GLIS2: variants seen among roughly 807,000 people sequenced by gnomAD.
GLIS2 encodes GLIS family zinc finger 2, also known as zinc finger protein GLIS2.
A neutral mutation model predicts 35.6 loss-of-function variants in GLIS2; 14 were observed. The ratio of observed to expected loss-of-function variants is 0.39; its 90% confidence interval spans 0.26 to 0.61. GLIS2 has a LOEUF of 0.61. GLIS2 is among the 20% of genes least tolerant of loss of function. The probability of loss-of-function intolerance (pLI) is 0.48; values close to 1 mark genes in which losing one functional copy is unlikely to be tolerated. For missense variants in GLIS2, 675 were observed against 713.4 expected, an observed-to-expected ratio of 0.95 and a Z score of 0.61; for synonymous variants, 368 against 325.1, an observed-to-expected ratio of 1.13 and a Z score of -1.42.
At position 4,316,186 on chromosome 16, in the gene GLIS2, C is replaced by T. The variant is rs1352329665; in HGVS notation, c.-135C>T. Among the ~76,000 whole-genome samples the T allele has an allele frequency of 1.5e-4, 22 of 144,304 alleles. No homozygotes were observed. Among genetic ancestry groups the T allele is most frequent in the African/African-American group, 5.5e-4 (22 of 40,022 alleles). 94.7% of individuals were successfully genotyped at this position (144,304 alleles called of 152,430 possible). On this transcript the variant is annotated 5_prime_UTR_variant, in exon 1 of 7. Coordinates refer to ENST00000433375, the MANE Select transcript of GLIS2 (RefSeq NM_032575.3). Reference sequence around the variant, plus strand: ...CCCCCGCCCGTCCCGGCCCCTCCCCCGCTCGGCTCCCCGCGCCCCCCGACC... The same window carrying T: ...CCCCCGCCCGTCCCGGCCCCTCCCCTGCTCGGCTCCCCGCGCCCCCCGACC...
At chr16:4,328,870 G>A (rs1472754489) in intron 1 of GLIS2, among the ~76,000 whole-genome samples, 1 of 152,116 alleles carries the variant, frequency 6.6e-6, no homozygotes, top group Non-Finnish European at 1.5e-5. Context: ...AGTGGGGCAG[G>A]TGCCAAAGGA....
intron 1 of GLIS2, among the ~76,000 whole-genome samples, chr16:4,318,938 G>A (rs969162077): frequency 4.6e-5 from 7 of 152,190 alleles, no homozygotes; most frequent in Non-Finnish European, 8.8e-5. Flanking sequence ...GGAGGGTGGC[G>A]ACAGCTGTGA....
chr16:4,323,216 G>A (rs1280096124), intron 1 of GLIS2, among the ~76,000 whole-genome samples: 1 of 152,210 alleles, frequency 6.6e-6, no homozygotes, highest in Admixed American at 6.5e-5. Context: ...CTTGCTGGGC[G>A]TGCATCCCTG....
In GLIS2 at chr16:4,330,525, C is replaced by T. The variant is rs563339593; in HGVS notation, c.-66-1690C>T. Among the ~76,000 whole-genome samples, 19 of 152,322 alleles carry T rather than the reference C, an allele frequency of 1.2e-4. No individual in the cohort carries two copies. In the East Asian group the frequency reaches 3.1e-3, roughly 25 times the overall value. ...GGCTCCCTGGCTTGCGATGCCTCTC[C>T]TCTAGGCCTCTGCAGGGAGGGCGGT... On this transcript the variant is annotated intron_variant, in intron 1 of 6. Transcript: ENST00000433375.
intron 6 of GLIS2, 167 bp from the exon 7 acceptor site, chr16:4,336,558 C>A: frequency 1.4e-6 from 1 of 735,592 alleles, no homozygotes; most frequent in Non-Finnish European, 2.4e-6. Context: ...CTGTGCCCTG[C>A]CTGGGGGCAG....
At chr16:4,316,304 G>A (rs1001836448) in intron 1 of GLIS2, among the ~76,000 whole-genome samples, 50 bp downstream of exon 1, 3 of 145,238 alleles carry the variant, frequency 2.1e-5, no homozygotes, top group Admixed American at 6.8e-5. Flanking sequence ...CGGGGCGGGG[G>A]GGGGGGGGCC....
At chr16:4,328,598 C>T (rs1319428853) in intron 1 of GLIS2, among the ~76,000 whole-genome samples, 1 of 152,208 alleles carries the variant, frequency 6.6e-6, no homozygotes, top group Non-Finnish European at 1.5e-5. Flanking sequence ...GGACGCAGGC[C>T]GTGTGCCGGG....
At chr16:4,326,293 G>C (rs571108799) in intron 1 of GLIS2, 1 of 152,370 alleles carries the variant, frequency 6.6e-6, no homozygotes, top group East Asian at 1.9e-4. Flanking sequence ...AGACTTCTGA[G>C]AGATGCATCT....
intron 1 of GLIS2, among the ~76,000 whole-genome samples, chr16:4,330,460 C>A (rs1191387822): frequency 2.0e-5 from 3 of 152,264 alleles, no homozygotes; most frequent in African/African-American, 7.2e-5. Flanking sequence ...GGCCAGGCCA[C>A]AATCCCCAGC....
In GLIS2 at chr16:4,332,120, GC is replaced by G; in HGVS notation, c.-66-90del. On this transcript the variant is annotated intron_variant, in intron 1 of 6. Transcript: ENST00000433375. This position sits in a 1 kb window ranked among gnomAD's most constrained non-coding sequence, Gnocchi z 5.4. ...CCTACCCAGGAGACAACCTCACACT[GC>G]CCCCTGCTCCTGCTCCTGTTAGACT... The G allele has an allele frequency of 3.2e-6, 3 of 927,966 alleles. No individual in the cohort carries two copies. The highest frequency in any genetic ancestry group is 1.4e-5 in the South Asian group (1 of 70,810). The allele number at this position is 927,966 out of a possible 1,614,324, so 57.5% of individuals were successfully genotyped here.
rs927890769 is a variant in GLIS2, at chr16:4,334,783, C to A, written c.346-18C>A. The A allele has an allele frequency of 2.5e-6, 4 of 1,612,886 alleles. No homozygotes were observed. In the African/African-American group the frequency reaches 5.3e-5, roughly 22 times the overall value. Reference sequence around the variant, plus strand: ...CTGGGCCAGCAGGACCTTGACTAGCCCTCCCCTCGCACCCCAGGACTTCCA... The same window carrying A: ...CTGGGCCAGCAGGACCTTGACTAGCACTCCCCTCGCACCCCAGGACTTCCA... On this transcript the variant is annotated intron_variant, in intron 3 of 6. Transcript: ENST00000433375.
chr16:4,330,281 G>T lies in GLIS2; in HGVS notation c.-66-1934G>T, dbSNP rs572839362. ...GACTGAGAGACTCCATTTCCAAAAA[G>T]AAAATGAAAATTAAACCAGTGAGAA... is the stretch of plus-strand genomic sequence containing the variant. On this transcript the variant is annotated intron_variant, in intron 1 of 6. Coordinates refer to ENST00000433375, the MANE Select transcript of GLIS2 (RefSeq NM_032575.3). Among the ~76,000 whole-genome samples the T allele has an allele frequency of 9.1e-4, 139 of 152,048 alleles. 1 individual carries two copies. Among genetic ancestry groups the T allele is most frequent in the Non-Finnish European group, 1.3e-3 (87 of 67,994 alleles).
chr16:4,335,008 G>A lies in GLIS2; in HGVS notation c.522+31G>A, dbSNP rs761903667. 11 of 1,613,248 alleles carry A rather than the reference G, an allele frequency of 6.8e-6. No homozygotes were observed. The highest frequency in any genetic ancestry group is 1.1e-5 in the South Asian group (1 of 91,088). On this transcript the variant is annotated intron_variant, in intron 4 of 6. Coordinates refer to ENST00000433375, the MANE Select transcript of GLIS2 (RefSeq NM_032575.3). This position sits in a 1 kb window ranked among gnomAD's most constrained non-coding sequence, Gnocchi z 4.6. ...TGGGGGCCAGCAAGAGTAGTGTGGA[G>A]TCTGGGGCAGGTCACCCCGCATGGG...
chr16:4,319,699 G>C (rs1365545529), intron 1 of GLIS2, among the ~76,000 whole-genome samples: 2 of 152,210 alleles, frequency 1.3e-5, no homozygotes, highest in African/African-American at 4.8e-5. Flanking sequence ...ACTCTGCTGG[G>C]GGGCCAGCGT....
intron 1 of GLIS2, among the ~76,000 whole-genome samples, chr16:4,327,311 G>A (rs2053442195): frequency 6.6e-6 from 1 of 152,246 alleles, no homozygotes; most frequent in Non-Finnish European, 1.5e-5. Context: ...TGCCAGGCAG[G>A]GTTGTAGAGG....
chr16:4,331,226 C>T (rs749768932), intron 1 of GLIS2, among the ~76,000 whole-genome samples: 10 of 152,070 alleles, frequency 6.6e-5, no homozygotes, highest in African/African-American at 1.4e-4. Context: ...GTGATCTCCC[C>T]GCCTTGGCCT....
intron 1 of GLIS2, among the ~76,000 whole-genome samples, chr16:4,330,154 G>A (rs893354196): frequency 2.6e-5 from 4 of 152,322 alleles, no homozygotes; most frequent in Admixed American, 1.3e-4. Flanking sequence ...GTGTACACCT[G>A]TAATCCCAGC....
At chr16:4,317,893 G>A (rs956968884) in intron 1 of GLIS2, among the ~76,000 whole-genome samples, 1 of 152,054 alleles carries the variant, frequency 6.6e-6, no homozygotes, top group Non-Finnish European at 1.5e-5. Context: ...TGCCATTAGC[G>A]CTGACCCCCT....
chr16:4,327,962 G>T (rs1187403743), intron 1 of GLIS2, among the ~76,000 whole-genome samples: 1 of 152,046 alleles, frequency 6.6e-6, no homozygotes, highest in South Asian at 2.1e-4. Flanking sequence ...CGCATCCCAG[G>T]CTGAGTGCTC....
Sources: allele counts gnomAD v4.1 joint callset (sites outside exome capture counted in the v4.1 genomes callset), GRCh38; gene constraint gnomAD v4.1.1; non-coding constraint Gnocchi (gnomAD v3.1); transcripts MANE v1.5; gene names NCBI Gene and HGNC (gene_info 2026-07-23, HGNC 2026-07-21).